The following RBFOX3 variants were observed in gnomAD, a reference collection of about 807,000 sequenced individuals.
The protein encoded by RBFOX3 is RNA binding protein fox-1 homolog 3.
A neutral mutation model predicts 48.7 loss-of-function variants in RBFOX3; 17 were observed. The ratio of observed to expected loss-of-function variants is 0.35; its 90% CI spans 0.24 to 0.52. The LOEUF (loss-of-function observed/expected upper bound fraction) is 0.52. Ranked by LOEUF, RBFOX3 falls within the 20% of genes least tolerant of loss-of-function variation. The pLI is 0.94. For missense variants in RBFOX3, 382 were observed against 497.5 expected (o/e 0.77, Z 2.21); for synonymous variants, 212 against 209.5 (o/e 1.01, Z -0.10).
At position 79,331,321 on chromosome 17, in the gene RBFOX3, A is replaced by G. The variant is rs191209356; in HGVS notation, c.-174-23497T>C. Among the ~76,000 whole-genome samples the G allele has an allele frequency of 9.2e-5, 14 of 152,166 alleles. No individual in the cohort carries two copies. The East Asian group carries it at 2.1e-3, about 23-fold the overall frequency. On this transcript the variant is annotated intron_variant, in intron 2 of 14. Transcript: ENST00000693108. ...CTTACAAGTGGTCCCTGGTCGCCAC[A>G]TGTCTGGGATGGCCACACTGCCTCT...
intron 1 of RBFOX3, among the ~76,000 whole-genome samples, chr17:79,609,959 G>A (rs2093933008): frequency 6.6e-6 from 1 of 152,054 alleles, no homozygotes; most frequent in African/African-American, 2.4e-5. Context: ...GGCCAGGGGC[G>A]TGCCCGGCTT....
chr17:79,452,579 G>C (rs1366598028), intron 2 of RBFOX3, among the ~76,000 whole-genome samples: 26 of 152,284 alleles, frequency 1.7e-4, no homozygotes, highest in African/African-American at 6.0e-4. Context: ...CCTTGGAGGT[G>C]GGGGAGTGGG....
At chr17:79,495,182 G>A (rs1161319035) in intron 1 of RBFOX3, among the ~76,000 whole-genome samples, 1 of 150,880 alleles carries the variant, frequency 6.6e-6, no homozygotes, top group Non-Finnish European at 1.5e-5. Context: ...GCTTACGTCG[G>A]GTGGGAGGTG....
chr17:79,325,924 G>T (rs74657014), intron 2 of RBFOX3, among the ~76,000 whole-genome samples: 1,631 of 152,332 alleles, frequency 0.011, 33 homozygotes, highest in African/African-American at 0.033. Flanking sequence ...ACTCCGGCAT[G>T]ATGGACGATT....
chr17:79,642,882 C>G, the RBFOX3 span, among the ~76,000 whole-genome samples: 1 of 152,146 alleles, frequency 6.6e-6, no homozygotes, highest in Non-Finnish European at 1.5e-5. Flanking sequence ...AAATATAGAT[C>G]GAGCACTTTT....
chr17:79,419,011 C>T (rs942647528), intron 2 of RBFOX3, among the ~76,000 whole-genome samples: 1 of 152,116 alleles, frequency 6.6e-6, no homozygotes, highest in Non-Finnish European at 1.5e-5. Context: ...GTCAAGGGAC[C>T]GTATCGTCCA....
chr17:79,415,066 G>A (rs778736137), intron 2 of RBFOX3, among the ~76,000 whole-genome samples: 2 of 152,190 alleles, frequency 1.3e-5, no homozygotes, highest in Non-Finnish European at 2.9e-5. Flanking sequence ...ACCAATCCCA[G>A]GGCCACCAGG....
chr17:79,537,238 C>T (rs556792405), intron 1 of RBFOX3, among the ~76,000 whole-genome samples: 8 of 152,314 alleles, frequency 5.3e-5, no homozygotes, highest in Non-Finnish European at 1.0e-4. Context: ...TCGCCCCTTC[C>T]GGCTTCTGGC....
chr17:79,653,246 T>C, the RBFOX3 span, among the ~76,000 whole-genome samples: 953 of 152,252 alleles, frequency 6.3e-3, 12 homozygotes, highest in African/African-American at 0.022. Flanking sequence ...AAGTCCTGGA[T>C]GAGAGCCCTG....
intron 1 of RBFOX3, among the ~76,000 whole-genome samples, chr17:79,597,843 G>A (rs1173193372): frequency 6.6e-6 from 1 of 152,212 alleles, no homozygotes; most frequent in Non-Finnish European, 1.5e-5. Context: ...ATCCCATGGG[G>A]GAGAAACAAT....
chr17:79,299,574 C>T lies in RBFOX3; in HGVS notation c.-74+8150G>A, dbSNP rs187471480. 1.8e-4 allele frequency among the ~76,000 whole-genome samples: 27 copies of T among 152,288 alleles called. No homozygotes were observed. The East Asian group carries it at 3.5e-3, about 20-fold the overall frequency. On this transcript the variant is annotated intron_variant, in intron 3 of 14. Coordinates refer to ENST00000693108, the MANE Select transcript of RBFOX3 (RefSeq NM_001350451.2). The surrounding 1 kb of genome is among the most constrained non-coding windows in gnomAD (Gnocchi z 4.5). ...GCACGTGGGTTACATGCAGAGGCTG[C>T]GCCATTTCCTACCAGGGGTTTGAGC...
At chr17:79,095,644 G>A (rs1317977437) in intron 12 of RBFOX3, 70 bp from the exon 13 acceptor site, 34 of 1,380,964 alleles carry the variant, frequency 2.5e-5, no homozygotes, top group Non-Finnish European at 3.3e-5. Context: ...GCTGAGTGGG[G>A]AGAGGAGACA....
chr17:79,213,345 C>T (rs1185210339), intron 4 of RBFOX3, among the ~76,000 whole-genome samples: 2 of 152,216 alleles, frequency 1.3e-5, no homozygotes, highest in Non-Finnish European at 2.9e-5. Context: ...ATCCACAGCC[C>T]TGCAGATTCC....
intron 2 of RBFOX3, among the ~76,000 whole-genome samples, chr17:79,340,397 C>A (rs2081902733): frequency 6.6e-6 from 1 of 152,196 alleles, no homozygotes; most frequent in Non-Finnish European, 1.5e-5. Context: ...AGCCCCACCT[C>A]CCAGAAGTGA....
Position 79,246,016 on chromosome 17 carries a change from G to GA in RBFOX3, c.-73-10212dup, listed in dbSNP as rs74270518. ...TTTTGCTTCAGCCACGAGCATGTCA[G>GA]AAAAAAAAAAAATTGTTGCTCAACC... On this transcript the variant is annotated intron_variant, in intron 3 of 14. Transcript: ENST00000693108. Among the ~76,000 whole-genome samples, 676 of 146,486 alleles carry GA rather than the reference G, an allele frequency of 4.6e-3. 5 individuals are homozygous for GA. The highest frequency in any genetic ancestry group is 0.013 in the African/African-American group (532 of 39,960).
At chr17:79,486,171 G>A (rs965174070) in intron 1 of RBFOX3, among the ~76,000 whole-genome samples, 2 of 152,346 alleles carry the variant, frequency 1.3e-5, no homozygotes, top group East Asian at 1.9e-4. Context: ...CCGCAGCCCG[G>A]CAGGGTTGGG....
intron 4 of RBFOX3, among the ~76,000 whole-genome samples, chr17:79,142,246 C>T (rs2042061307): frequency 1.3e-5 from 2 of 152,210 alleles, no homozygotes; most frequent in South Asian, 4.1e-4. Flanking sequence ...GGTCCCCGGC[C>T]TCTGGCCCGA....
intron 2 of RBFOX3, among the ~76,000 whole-genome samples, chr17:79,316,689 A>G (rs1214192943): frequency 6.6e-6 from 1 of 152,200 alleles, no homozygotes; most frequent in Non-Finnish European, 1.5e-5. Flanking sequence ...GAAATAGCAA[A>G]CCTCATTCCA....
chr17:79,261,348 A>G (rs1367856962), intron 3 of RBFOX3, among the ~76,000 whole-genome samples: 1 of 152,238 alleles, frequency 6.6e-6, no homozygotes, highest in African/African-American at 2.4e-5. Flanking sequence ...CCCCGAAGCC[A>G]CATGCACAGG....
Sources: allele counts gnomAD v4.1 joint callset (sites outside exome capture counted in the v4.1 genomes callset), GRCh38; gene constraint gnomAD v4.1.1; non-coding constraint Gnocchi (gnomAD v3.1); transcripts MANE v1.5; gene names NCBI Gene and HGNC (gene_info 2026-07-23, HGNC 2026-07-21).